LARP4: variants seen among roughly 807,000 people sequenced by gnomAD.
LARP4 encodes the protein La ribonucleoprotein 4.
In LARP4, 29 loss-of-function variants were observed where a neutral mutation model predicts 92.9. That is an observed-to-expected ratio of 0.31 (90% CI 0.23 to 0.43). The LOEUF (loss-of-function observed/expected upper bound fraction) is 0.43, where lower values mean the gene tolerates loss of function less well. Among genes scored for constraint, LARP4 ranks in the 20% least tolerant of loss-of-function variants. LARP4 has a pLI of 1.00. For synonymous variants in LARP4, 279 were observed against 284.1 expected (o/e 0.98, Z 0.18); for missense variants, 732 against 860.0 (o/e 0.85, Z 1.86).
intron 8 of LARP4, among the ~76,000 whole-genome samples, chr12:50,447,914 C>G (rs1346272737): frequency 6.6e-6 from 1 of 152,078 alleles, no homozygotes; most frequent in African/African-American, 2.4e-5. Context: ...GTTGCCCAGG[C>G]TGGACTGCAG....
At chr12:50,457,333 A>G (rs192599642) in intron 10 of LARP4, among the ~76,000 whole-genome samples, 189 of 150,774 alleles carry the variant, frequency 1.3e-3, no homozygotes, top group Non-Finnish European at 2.2e-3. Context: ...TAGCCTTCCA[A>G]TTAGCTGAGA....
chr12:50,406,291 T>G (rs965266721), intron 1 of LARP4, among the ~76,000 whole-genome samples: 3 of 151,602 alleles, frequency 2.0e-5, no homozygotes, highest in African/African-American at 7.3e-5. Context: ...GCAACAAAGT[T>G]AGACACCCCC....
intron 6 of LARP4, among the ~76,000 whole-genome samples, chr12:50,440,098 AC>A (rs1950986232): frequency 1.3e-5 from 2 of 152,212 alleles, no homozygotes; most frequent in South Asian, 4.1e-4. Flanking sequence ...TGAAATACTT[AC>A]GCTTTGCTTA....
At chr12:50,411,023 G>A (rs998233747) in intron 1 of LARP4, among the ~76,000 whole-genome samples, 1 of 152,006 alleles carries the variant, frequency 6.6e-6, no homozygotes, top group African/African-American at 2.4e-5. Context: ...TGACAACTTC[G>A]GGAGGTTGGT....
chr12:50,420,848 G>A (rs1461267472), intron 1 of LARP4: 1 of 151,428 alleles, frequency 6.6e-6, no homozygotes, highest in Admixed American at 6.6e-5. Flanking sequence ...CAAAGAAAAT[G>A]GTCAACATTC....
At chr12:50,453,424 T>C (rs1179524283) in intron 8 of LARP4, 36 bp from the exon 9 acceptor site, 3 of 1,215,862 alleles carry the variant, frequency 2.5e-6, no homozygotes, top group Middle Eastern at 2.5e-4. Flanking sequence ...AAATATACAC[T>C]TAATTCTTTG....
chr12:50,408,495 C>T (rs937191618), intron 1 of LARP4, among the ~76,000 whole-genome samples: 7 of 152,000 alleles, frequency 4.6e-5, no homozygotes, highest in Admixed American at 1.3e-4. Flanking sequence ...CCGCACCCGG[C>T]GAGAAAAGGA....
At chr12:50,410,857 A>C (rs1444302534) in intron 1 of LARP4, among the ~76,000 whole-genome samples, 1 of 152,166 alleles carries the variant, frequency 6.6e-6, no homozygotes, top group Non-Finnish European at 1.5e-5. Context: ...CTTTTGATGA[A>C]TGACAGATAC....
chr12:50,472,281 C>A (rs771820587), intron 13 of LARP4, among the ~76,000 whole-genome samples: 7 of 152,190 alleles, frequency 4.6e-5, no homozygotes, highest in Non-Finnish European at 8.8e-5. Flanking sequence ...CCAGAACTTA[C>A]AATCTTTCAA....
intron 8 of LARP4, among the ~76,000 whole-genome samples, chr12:50,445,053 A>G (rs1376329604): frequency 7.7e-6 from 1 of 130,032 alleles, no homozygotes; most frequent in South Asian, 2.6e-4. Flanking sequence ...GCATGCCACC[A>G]TGCTCAGCTA....
chr12:50,437,618 T>C (rs4257057), intron 5 of LARP4, 117 bp from the exon 6 acceptor site: 51,579 of 581,456 alleles, frequency 0.089, 6,694 homozygotes, highest in East Asian at 0.49. Context: ...CTTTAGGATA[T>C]TAACCCAGCC....
At chr12:50,403,596 A>G (rs545870753) in intron 1 of LARP4, among the ~76,000 whole-genome samples, 21 of 152,350 alleles carry the variant, frequency 1.4e-4, no homozygotes, top group East Asian at 5.8e-4. Flanking sequence ...TAATTGGACT[A>G]CTAAAGAGGT....
chr12:50,453,728 T>G (rs11169428), intron 9 of LARP4, 56 bp downstream of exon 9: 2 of 1,210,710 alleles, frequency 1.7e-6, no homozygotes, highest in Non-Finnish European at 2.3e-6. Context: ...AGCTGAAATT[T>G]GAAGAAATCA....
intron 1 of LARP4, among the ~76,000 whole-genome samples, chr12:50,426,711 G>GGTTTTTTTT (rs1948794774): frequency 7.2e-6 from 1 of 139,652 alleles, no homozygotes; most frequent in African/African-American, 2.8e-5. Flanking sequence ...GTGTGTGTGT[G>GGTTTTTTTT]TGTGTGTGTG....
chr12:50,454,586 A>T (rs1953876655), intron 10 of LARP4, 169 bp downstream of exon 10: 3 of 463,732 alleles, frequency 6.5e-6, no homozygotes, highest in Non-Finnish European at 1.1e-5. Context: ...TCGTAAAAAC[A>T]CTTTGACCTT....
rs774665709 is a variant in LARP4, at chr12:50,474,201, AT to A, written c.1836+35del. The A allele has an allele frequency of 3.6e-4, 549 of 1,523,768 alleles. 1 individual carries two copies. The highest frequency in any genetic ancestry group is 4.5e-4 in the Non-Finnish European group (503 of 1,121,814). 94.4% of individuals were successfully genotyped at this position (1,523,768 alleles called of 1,614,324 possible). A position where few individuals can be genotyped will look rare whatever the true frequency, so the allele number is the denominator to read the frequency against. On this transcript the variant is annotated intron_variant, in intron 15 of 15. Coordinates refer to ENST00000398473, the MANE Select transcript of LARP4 (RefSeq NM_052879.5). ...AAGATTTTAGTTTATGTTAAAAAAA[AT>A]ACAATAGATTAGATTTTTTTTTTTT...
At chr12:50,454,259 C>T (rs1247985292) in intron 9 of LARP4, 55 bp from the exon 10 acceptor site, 1 of 1,330,988 alleles carries the variant, frequency 7.5e-7, no homozygotes, top group African/African-American at 1.5e-5. Flanking sequence ...TTGTGACCCT[C>T]ACACCAGATT....
chr12:50,435,487 G>A lies in LARP4; in HGVS notation c.399-1G>A. The A allele has an allele frequency of 8.1e-7, 1 of 1,236,932 alleles. No homozygotes were observed. Among genetic ancestry groups the A allele is most frequent in the Non-Finnish European group, 1.2e-6 (1 of 865,448 alleles). The allele number at this position is 1,236,932 out of a possible 1,614,324, so 76.6% of individuals were successfully genotyped here. A position where few individuals can be genotyped will look rare whatever the true frequency, so the allele number is the denominator to read the frequency against. On this transcript the variant is annotated splice_acceptor_variant, in intron 4 of 15. Coordinates refer to ENST00000398473, the MANE Select transcript of LARP4 (RefSeq NM_052879.5). LOFTEE classifies it high-confidence loss of function. The stretch of plus-strand genomic sequence containing the variant: ...TTTATAGGACTATTTTGTTTTTTCA[G>A]AGAAAATTTGTCAAAGGATCTTTAC...
At chr12:50,455,035 G>T (rs1332613462) in intron 10 of LARP4, 2 of 152,136 alleles carry the variant, frequency 1.3e-5, no homozygotes, top group Non-Finnish European at 2.9e-5. Context: ...GCTAGTAATT[G>T]GTAGAGCTAA....
Sources: gnomAD v4.1 joint callset for allele counts (sites outside exome capture counted in the v4.1 genomes callset) on GRCh38, gnomAD v4.1.1 for gene constraint, MANE v1.5 for transcripts, NCBI Gene and HGNC (gene_info 2026-07-23, HGNC 2026-07-21) for gene names.